The following LPGAT1 variants were observed in gnomAD, a reference collection of about 807,000 sequenced individuals.
LPGAT1 encodes acyl-CoA:lysophosphatidylglycerol acyltransferase 1.
A neutral mutation model predicts 47.5 loss-of-function variants in LPGAT1; 11 were observed. The observed-to-expected ratio is 0.23, with a 90% CI of 0.15 to 0.38. LPGAT1 has a LOEUF of 0.38. Among genes scored for constraint, LPGAT1 ranks in the 10% least tolerant of loss-of-function variants. LPGAT1 has a pLI of 1.00. For missense variants in LPGAT1, 293 were observed against 439.0 expected, an observed-to-expected ratio of 0.67 and a Z score of 2.97; for synonymous variants, 138 against 144.2, an observed-to-expected ratio of 0.96 and a Z score of 0.31.
In LPGAT1 at chr1:211,830,618, C is replaced by T. The variant is rs1253270158; in HGVS notation, c.-73G>A. On this transcript the variant is annotated 5_prime_UTR_variant, in exon 1 of 8. Coordinates refer to ENST00000366997, the MANE Select transcript of LPGAT1 (RefSeq NM_014873.3). This position sits in a 1 kb window ranked among gnomAD's most constrained non-coding sequence, Gnocchi z 5.9. ...GCCGGGGCTTTGGGAGTCAGAGGAG[C>T]CGGAAGAATGCATGGCCGGCGGCGG... is the stretch of plus-strand genomic sequence containing the variant. 7 of 1,202,418 alleles carry T rather than the reference C, an allele frequency of 5.8e-6. No individual in the cohort carries two copies. Among genetic ancestry groups the T allele is most frequent in the Non-Finnish European group, 6.2e-6 (6 of 969,340 alleles). 74.5% of individuals were successfully genotyped at this position (1,202,418 alleles called of 1,614,324 possible). A position where few individuals can be genotyped will look rare whatever the true frequency, so the allele number is the denominator to read the frequency against.
chr1:211,774,230 G>C (rs1658297024), intron 6 of LPGAT1, among the ~76,000 whole-genome samples: 1 of 130,036 alleles, frequency 7.7e-6, no homozygotes, highest in South Asian at 2.6e-4. Flanking sequence ...CATCTCCCAG[G>C]TTCAAGAGAT....
At chr1:211,813,369 G>A (rs189698670) in intron 2 of LPGAT1, among the ~76,000 whole-genome samples, 6 of 152,226 alleles carry the variant, frequency 3.9e-5, no homozygotes, top group Middle Eastern at 3.4e-3. Context: ...TTATAAATAC[G>A]TATGTTTTCT....
intron 6 of LPGAT1, among the ~76,000 whole-genome samples, chr1:211,771,235 A>C (rs1658156340): frequency 6.6e-6 from 1 of 152,178 alleles, no homozygotes; most frequent in African/African-American, 2.4e-5. Flanking sequence ...TCTGCAGCCT[A>C]GAAGCAAAAG....
intron 2 of LPGAT1, among the ~76,000 whole-genome samples, chr1:211,819,713 G>A (rs1196397588): frequency 6.6e-6 from 1 of 152,070 alleles, no homozygotes; most frequent in Non-Finnish European, 1.5e-5. Flanking sequence ...TGCCGCGCAC[G>A]GTGGCTCACG....
chr1:211,768,099 G>A (rs1320726360), intron 6 of LPGAT1, among the ~76,000 whole-genome samples: 1 of 152,074 alleles, frequency 6.6e-6, no homozygotes, highest in Non-Finnish European at 1.5e-5. Flanking sequence ...TTAAAGCTCA[G>A]TTTTAAATTA....
In LPGAT1 at chr1:211,785,025, G is replaced by C. The variant is rs138182227; in HGVS notation, c.454-1523C>G. On this transcript the variant is annotated intron_variant, in intron 4 of 7. Transcript: ENST00000366997. ...TCACCGTGTTAGCCAGGATGGTCTC[G>C]ATCTCCTGACCTTGTGATCTGCCCC... Among the ~76,000 whole-genome samples the C allele has an allele frequency of 2.4e-4, 36 of 152,004 alleles. No individual in the cohort carries two copies. In the East Asian group the frequency reaches 2.9e-3, roughly 12 times the overall value.
chr1:211,814,460 G>A (rs554861751), intron 2 of LPGAT1, among the ~76,000 whole-genome samples: 26 of 152,324 alleles, frequency 1.7e-4, no homozygotes, highest in African/African-American at 6.3e-4. Context: ...TAAAGAGCTT[G>A]GAACAGGACC....
At chr1:211,829,744 CTGA>C in intron 1 of LPGAT1, 7 of 1,006,226 alleles carry the variant, frequency 7.0e-6, no homozygotes, top group Admixed American at 1.1e-4. Context: ...TTCCCAGATA[CTGA>C]GGACCTCAGT....
Position 211,819,647 on chromosome 1 carries a change from TGACAGTGGCA to T in LPGAT1, c.238+9402_238+9411del, listed in dbSNP as rs1360266423. Among the ~76,000 whole-genome samples, 4 of 152,276 alleles carry T rather than the reference TGACAGTGGCA, an allele frequency of 2.6e-5. No homozygotes were observed. The East Asian group carries it at 7.7e-4, about 29-fold the overall frequency. ...AGTGTGGCATGTGATGAAGAGGGCC[TGACAGTGGCA>T]GATCTCAGAAAGCAACAGAACAATA... On this transcript the variant is annotated intron_variant, in intron 2 of 7. Transcript: ENST00000366997.
At chr1:211,809,143 T>G (rs1659872678) in intron 2 of LPGAT1, among the ~76,000 whole-genome samples, 1 of 151,764 alleles carries the variant, frequency 6.6e-6, no homozygotes, top group African/African-American at 2.4e-5. Context: ...AGGTGCAGCT[T>G]GCAGTGAGCC....
intron 6 of LPGAT1, among the ~76,000 whole-genome samples, chr1:211,775,610 T>C (rs1353745091): frequency 6.6e-6 from 1 of 152,162 alleles, no homozygotes; most frequent in East Asian, 1.9e-4. Flanking sequence ...TCTTAATCTG[T>C]ACTTTCAACT....
intron 5 of LPGAT1, among the ~76,000 whole-genome samples, chr1:211,780,150 C>T (rs1466436556): frequency 1.3e-5 from 2 of 152,186 alleles, no homozygotes; most frequent in Admixed American, 1.3e-4. Context: ...GCACTCCAGC[C>T]TGGGCAACAA....
intron 2 of LPGAT1, among the ~76,000 whole-genome samples, chr1:211,799,671 A>G (rs1310632487): frequency 6.6e-6 from 1 of 152,214 alleles, no homozygotes. Flanking sequence ...GTGGATGGCA[A>G]CAATAAGGAG....
rs935995946 is a variant in LPGAT1, at chr1:211,830,642, G to A, written c.-97C>T. 8.3e-7 allele frequency: 1 copy of A among 1,203,624 alleles called. No individual in the cohort carries two copies. Among genetic ancestry groups the A allele is most frequent in the African/African-American group, 1.6e-5 (1 of 63,154 alleles). 74.6% of individuals were successfully genotyped at this position (1,203,624 alleles called of 1,614,324 possible). A position where few individuals can be genotyped will look rare whatever the true frequency, so the allele number is the denominator to read the frequency against. ...GCCGGAAGAATGCATGGCCGGCGGC[G>A]GGGCCGGCGGAAGAAGGCGGTGGCG... On this transcript the variant is annotated 5_prime_UTR_variant, in exon 1 of 8. Transcript: ENST00000366997. The surrounding 1 kb of genome is among the most constrained non-coding windows in gnomAD (Gnocchi z 5.9).
At chr1:211,786,851 T>C (rs76515383) in intron 4 of LPGAT1, among the ~76,000 whole-genome samples, 3,429 of 152,278 alleles carry the variant, frequency 0.023, 131 homozygotes, top group African/African-American at 0.077. Flanking sequence ...ATAAAAGTAA[T>C]AGTGATACAA....
At chr1:211,795,066 G>A (rs969099113) in intron 2 of LPGAT1, among the ~76,000 whole-genome samples, 1 of 152,126 alleles carries the variant, frequency 6.6e-6, no homozygotes, top group African/African-American at 2.4e-5. Flanking sequence ...GTTGTTTAAT[G>A]AGTACAGTGT....
Position 211,783,264 on chromosome 1 carries a change from T to C in LPGAT1, c.692A>G (p.Asn231Ser). The C allele has an allele frequency of 6.2e-7, 1 of 1,612,898 alleles. No homozygotes were observed. Among genetic ancestry groups the C allele is most frequent in the Non-Finnish European group, 8.5e-7 (1 of 1,178,946 alleles). ...AGCATCTCCTCCTGCTGGACTTCCA[T>C]TTTTCTGTTGTGCTACAAGTGCATT... Reference protein sequence around the residue: ...ILNALVAQQKNGSPAGGDAKE... With the variant: ...ILNALVAQQKSGSPAGGDAKE... Residue 231 changes from asparagine (N) to serine (S), a missense_variant, in exon 5 of 8, where the codon AAT (asparagine) becomes AGT (serine). By Grantham distance (46) the Asn-to-Ser change is conservative (BLOSUM62 1). Coordinates refer to ENST00000366997, the MANE Select transcript of LPGAT1 (RefSeq NM_014873.3).
intron 2 of LPGAT1, among the ~76,000 whole-genome samples, chr1:211,827,241 C>T (rs955623537): frequency 6.6e-6 from 1 of 152,108 alleles, no homozygotes; most frequent in African/African-American, 2.4e-5. Flanking sequence ...TTCAGAGAGA[C>T]TAAAATATGC....
intron 2 of LPGAT1, among the ~76,000 whole-genome samples, chr1:211,823,135 T>C (rs141084503): frequency 2.4e-3 from 369 of 152,238 alleles, no homozygotes; most frequent in African/African-American, 8.5e-3. Flanking sequence ...GCTCTTCAAA[T>C]ACAAAAATCA....
Sources: gnomAD v4.1 joint callset for allele counts (sites outside exome capture counted in the v4.1 genomes callset) on GRCh38, gnomAD v4.1.1 for gene constraint, Gnocchi (gnomAD v3.1) non-coding constraint, MANE v1.5 for transcripts, NCBI Gene and HGNC (gene_info 2026-07-23, HGNC 2026-07-21) for gene names.